XPO6: variants seen among roughly 807,000 people sequenced by gnomAD.
XPO6 encodes the protein exportin 6.
XPO6 carries 3 observed loss-of-function variants against 130.0 expected under a neutral mutation model. The ratio of observed to expected loss-of-function variants is 0.02; its 90% CI spans 0.01 to 0.06. The LOEUF (loss-of-function observed/expected upper bound fraction) is 0.06, where lower values mean the gene tolerates loss of function less well. Among genes scored for constraint, XPO6 ranks in the 10% least tolerant of loss-of-function variants. The pLI is 1.00. For synonymous variants in XPO6, 524 were observed against 548.9 expected (o/e 0.95, Z 0.63); for missense variants, 970 against 1,393.0 (o/e 0.70, Z 4.83).
chr16:28,193,471 G>C (rs966095012), intron 1 of XPO6, among the ~76,000 whole-genome samples: 2 of 152,098 alleles, frequency 1.3e-5, no homozygotes, highest in Non-Finnish European at 2.9e-5. Context: ...CATGTGCCCG[G>C]GTTCCACTAA....
rs114585037 is a variant in XPO6, at chr16:28,107,008, C to A, written c.2498-511G>T. The stretch of plus-strand genomic sequence containing the variant: ...GGTTACATATAGGGCAGTTTCACTT[C>A]CAGATCTCAACAATCATCTTGTGTA... On this transcript the variant is annotated intron_variant, in intron 18 of 23. Transcript: ENST00000304658. Among the ~76,000 whole-genome samples, 688 of 152,342 alleles carry A rather than the reference C, an allele frequency of 4.5e-3. 7 individuals carry two copies. The highest frequency in any genetic ancestry group is 0.016 in the African/African-American group (668 of 41,572).
chr16:28,211,615 A>C lies in XPO6; in HGVS notation c.-247T>G, dbSNP rs2044134352. The C allele has an allele frequency of 5.1e-6, 2 of 395,802 alleles. No homozygotes were observed. The highest frequency in any genetic ancestry group is 8.8e-6 in the Non-Finnish European group (2 of 227,208). 24.5% of individuals were successfully genotyped at this position (395,802 alleles called of 1,614,324 possible). On this transcript the variant is annotated 5_prime_UTR_variant, in exon 1 of 24. Coordinates refer to ENST00000304658, the MANE Select transcript of XPO6 (RefSeq NM_015171.4). ...CCCTCCCCAAGGAAACTGAAAAAGC[A>C]GGAAATGAGGCTCGGATGCCGGCGA...
chr16:28,175,812 C>A, intron 4 of XPO6, 86 bp downstream of exon 4: 1 of 1,282,802 alleles, frequency 7.8e-7, no homozygotes. Context: ...AACTGCTAAT[C>A]TTAAAAGTCC....
Position 28,111,990 on chromosome 16 carries a change from C to A in XPO6, c.2168G>T (p.Cys723Phe). The A allele has an allele frequency of 6.2e-7, 1 of 1,612,368 alleles. No individual in the cohort carries two copies. Residue 723 changes from cysteine to phenylalanine, a missense_variant, in exon 17 of 24, where the codon TGC (cysteine) becomes TTC (phenylalanine). By Grantham distance (205) the Cys-to-Phe change is radical. Coordinates refer to ENST00000304658, the MANE Select transcript of XPO6 (RefSeq NM_015171.4). ...CAGCAAGATGTTAGAGAGGGCTCGG[C>A]ACACCAACACCTGGGCCTACAAGAG... Reference protein sequence around the residue: ...RLVDKAQVLVCRALSNILLLP... With the variant: ...RLVDKAQVLVFRALSNILLLP...
At position 28,101,127 on chromosome 16, in the gene XPO6, G is replaced by A. The variant is rs1015339943; in HGVS notation, c.3276+331C>T. On this transcript the variant is annotated intron_variant, in intron 23 of 23. Coordinates refer to ENST00000304658, the MANE Select transcript of XPO6 (RefSeq NM_015171.4). The surrounding 1 kb of genome is among the most constrained non-coding windows in gnomAD (Gnocchi z 5.4). ...GGCACACTCCAATGCTGGCCCCACC[G>A]GGGCTCATCACCCAGGAGGGAGAAC... The A allele has an allele frequency of 4.4e-5, 18 of 408,532 alleles. No homozygotes were observed. In the East Asian group the frequency reaches 6.8e-4, roughly 15 times the overall value. The allele number at this position is 408,532 out of a possible 1,614,324, so 25.3% of individuals were successfully genotyped here.
intron 8 of XPO6, among the ~76,000 whole-genome samples, chr16:28,146,795 C>T (rs1299866978): frequency 6.6e-6 from 1 of 152,222 alleles, no homozygotes; most frequent in Admixed American, 6.5e-5. Flanking sequence ...GGGTGTCAAA[C>T]GTGCTAATAG....
At chr16:28,146,410 C>T (rs529409579) in intron 8 of XPO6, 1 of 516,718 alleles carries the variant, frequency 1.9e-6, no homozygotes, top group East Asian at 3.0e-5. Flanking sequence ...CCATGGAACA[C>T]ATCATGAGGG....
At chr16:28,135,770 G>A (rs2042763875) in intron 9 of XPO6, among the ~76,000 whole-genome samples, 1 of 152,108 alleles carries the variant, frequency 6.6e-6, no homozygotes, top group Admixed American at 6.5e-5. Flanking sequence ...TCTGTTCTCT[G>A]CCTTTTTTAA....
At position 28,125,668 on chromosome 16, in the gene XPO6, A is replaced by AAG. The variant is rs780203379; in HGVS notation, c.1766+20_1766+21insCT. The AAG allele has an allele frequency of 3.7e-6, 6 of 1,610,410 alleles. No homozygotes were observed. In the East Asian group the frequency reaches 1.3e-4, roughly 36 times the overall value. On this transcript the variant is annotated intron_variant, in intron 13 of 23. Coordinates refer to ENST00000304658, the MANE Select transcript of XPO6 (RefSeq NM_015171.4). Reference sequence around the variant, plus strand: ...TGAACTCTGAAGAAGGAACAGCTCCATAAGGTAACTGCCAGCCTACCTTTC... The same window carrying AAG: ...TGAACTCTGAAGAAGGAACAGCTCCAAGTAAGGTAACTGCCAGCCTACCTTTC...
intron 1 of XPO6, among the ~76,000 whole-genome samples, chr16:28,185,018 C>T (rs1329882264): frequency 6.6e-6 from 1 of 152,094 alleles, no homozygotes; most frequent in Non-Finnish European, 1.5e-5. Flanking sequence ...TCAAAAGAAC[C>T]CAAATATCCG....
intron 1 of XPO6, among the ~76,000 whole-genome samples, chr16:28,185,175 T>A (rs2043674302): frequency 6.6e-6 from 1 of 152,082 alleles, no homozygotes; most frequent in African/African-American, 2.4e-5. Context: ...CCTTTCATTA[T>A]TCACTTTATA....
intron 9 of XPO6, among the ~76,000 whole-genome samples, chr16:28,140,454 C>T (rs1044823567): frequency 5.3e-5 from 8 of 151,924 alleles, no homozygotes; most frequent in Non-Finnish European, 7.4e-5. Context: ...CCAAGGCGGG[C>T]GGATCACAAG....
Position 28,101,250 on chromosome 16 carries a change from G to A in XPO6, c.3276+208C>T. 1.5e-6 allele frequency: 1 copy of A among 652,650 alleles called. No individual in the cohort carries two copies. The highest frequency in any genetic ancestry group is 2.8e-5 in the East Asian group (1 of 36,358). The allele number at this position is 652,650 out of a possible 1,614,324, so 40.4% of individuals were successfully genotyped here. On this transcript the variant is annotated intron_variant, in intron 23 of 23. Coordinates refer to ENST00000304658, the MANE Select transcript of XPO6 (RefSeq NM_015171.4). The surrounding 1 kb of genome is among the most constrained non-coding windows in gnomAD (Gnocchi z 5.4). ...CATGGCTGAGACTAAGAACATACGT[G>A]CTACAGACACCAAGACTGGGGAAAA...
intron 9 of XPO6, among the ~76,000 whole-genome samples, chr16:28,141,922 T>C (rs1383160835): frequency 6.6e-6 from 1 of 152,270 alleles, no homozygotes; most frequent in Non-Finnish European, 1.5e-5. Flanking sequence ...ATCGCGCCAC[T>C]GCGCTCCTGA....
chr16:28,114,435 C>T (rs548998629), intron 15 of XPO6, among the ~76,000 whole-genome samples: 30 of 152,148 alleles, frequency 2.0e-4, no homozygotes, highest in Non-Finnish European at 2.9e-4. Flanking sequence ...TATGCAATAA[C>T]GCAAGGCACA....
rs573524332 is a variant in XPO6, at chr16:28,160,008, A to G, written c.644-3481T>C. 2.6e-5 allele frequency among the ~76,000 whole-genome samples: 4 copies of G among 151,930 alleles called. No individual in the cohort carries two copies. The South Asian group carries it at 8.3e-4, about 32-fold the overall frequency. ...CGAGACAAGCCCGGCCAACATGGTG[A>G]AACCCTGTCTCTACTAAAATACAAA... On this transcript the variant is annotated intron_variant, in intron 6 of 23. Transcript: ENST00000304658.
In XPO6 at chr16:28,106,435, C is replaced by G. The variant is rs764430043; in HGVS notation, c.2560G>C (p.Gly854Arg). The G allele has an allele frequency of 6.2e-7, 1 of 1,614,166 alleles. No individual in the cohort carries two copies. The highest frequency in any genetic ancestry group is 8.5e-7 in the Non-Finnish European group (1 of 1,180,036). The change falls in exon 19 of 24, where the codon GGT (glycine) becomes CGT (arginine). Residue 854 changes from glycine (G) to arginine (R), a missense_variant. Gly to Arg is a moderately radical substitution (Grantham distance 125). Transcript: ENST00000304658. This position sits in a 1 kb window ranked among gnomAD's most constrained non-coding sequence, Gnocchi z 4.2. ...TLFRGLRVQM[G>R]VPFTEQIIQT... is the part of the protein sequence containing the mutation. ...ATGATTTGCTCAGTGAAAGGCACAC[C>G]CATCTGTACTCTAAGGCCTCGAAAC...
chr16:28,156,476 T>C lies in XPO6; in HGVS notation c.695A>G (p.Asn232Ser), dbSNP rs187667928. The C allele has an allele frequency of 1.2e-4, 185 of 1,603,220 alleles. No homozygotes were observed. In the African/African-American group the frequency reaches 2.3e-3, roughly 20 times the overall value. The change falls in exon 7 of 24, where the codon AAT becomes AGT. Residue 232 changes from asparagine (N) to serine (S), a missense_variant. Physicochemically the swap from Asn to Ser is conservative, Grantham distance 46. Around this residue, in one of 4 missense-constraint regions of XPO6, gnomAD observed 936 missense variants for 1,306.8 expected, o/e 0.72. Coordinates refer to ENST00000304658, the MANE Select transcript of XPO6 (RefSeq NM_015171.4). ...CACATCAAGGATGGGAATTGGCTGA[T>C]TCAACAGTTTGGCTGAACTGGGACT... ...LQSPSSAKLLNQPIPILDVES... is the reference protein window; with the variant it reads ...LQSPSSAKLLSQPIPILDVES...
chr16:28,171,677 T>C (rs993857577), intron 4 of XPO6, among the ~76,000 whole-genome samples: 13 of 152,294 alleles, frequency 8.5e-5, no homozygotes, highest in African/African-American at 3.1e-4. Context: ...AATTCAGGTC[T>C]CTTGAACACT....
Sources: gnomAD v4.1 joint callset for allele counts (sites outside exome capture counted in the v4.1 genomes callset) on GRCh38, gnomAD v4.1.1 for gene constraint, gnomAD v4.1.1 regional missense constraint, Gnocchi (gnomAD v3.1) non-coding constraint, MANE v1.5 for transcripts, NCBI Gene and HGNC (gene_info 2026-07-23, HGNC 2026-07-21) for gene names.